The following DIP2C variants were observed in gnomAD, a reference collection of about 807,000 sequenced individuals.
DIP2C encodes disco-interacting protein 2 homolog C.
A neutral mutation model predicts 192.4 loss-of-function variants in DIP2C; 33 were observed. The ratio of observed to expected loss-of-function variants is 0.17; its 90% CI spans 0.13 to 0.23. The LOEUF (loss-of-function observed/expected upper bound fraction) is 0.23, where lower values mean the gene tolerates loss of function less well. Among genes scored for constraint, DIP2C ranks in the 10% least tolerant of loss-of-function variants. The pLI, the probability that DIP2C is intolerant of heterozygous loss-of-function variation, is 1.00. For missense variants in DIP2C, 1,537 were observed against 2,110.1 expected, an observed-to-expected ratio of 0.73 and a Z score of 5.32; for synonymous variants, 979 against 864.1, an observed-to-expected ratio of 1.13 and a Z score of -2.33.
intron 17 of DIP2C, among the ~76,000 whole-genome samples, chr10:374,522 C>T (rs914024816): frequency 4.6e-5 from 7 of 152,226 alleles, no homozygotes; most frequent in Non-Finnish European, 1.0e-4. Context: ...CTGAGTGCTA[C>T]CCAAAGCCAC....
At position 383,986 on chromosome 10, in the gene DIP2C, A is replaced by G. The variant is rs111488491; in HGVS notation, c.1876+41T>C. ...ACGAAAAAAAAAAAAAAAAGACTCC[A>G]CAGCCCGCCTGCCTCACGAGATCAC... On this transcript the variant is annotated intron_variant, in intron 16 of 36. Transcript: ENST00000280886. 3.1e-3 allele frequency: 4,518 copies of G among 1,444,152 alleles called. 30 individuals are homozygous for G. Among genetic ancestry groups the G allele is most frequent in the East Asian group, 0.014 (504 of 36,550 alleles). The allele number at this position is 1,444,152 out of a possible 1,614,324, so 89.5% of individuals were successfully genotyped here.
chr10:290,667 G>A (rs61837285), intron 32 of DIP2C, among the ~76,000 whole-genome samples: 4,989 of 152,298 alleles, frequency 0.033, 112 homozygotes, highest in Middle Eastern at 0.051. Flanking sequence ...CAAGCTGGCC[G>A]GGGCAGCGGT....
intron 18 of DIP2C, among the ~76,000 whole-genome samples, chr10:366,774 T>C (rs983709295): frequency 1.3e-5 from 2 of 152,144 alleles, no homozygotes; most frequent in Middle Eastern, 3.2e-3. Flanking sequence ...CAACTTGACC[T>C]CTGCAAATCA....
In DIP2C at chr10:369,558, A is replaced by T. The variant is rs375658948; in HGVS notation, c.2067T>A (p.Arg689=). The change falls in exon 18 of 37, where the codon CGT becomes CGA. Residue 689 remains arginine, a synonymous_variant. Coordinates refer to ENST00000280886, the MANE Select transcript of DIP2C (RefSeq NM_014974.3). The part of the protein sequence containing the change: ...SMHGLTYGVI[R]VDSEEKLSVL... ...CGGACAGCTTCTCTTCCGAGTCCAC[A>T]CGAATGACCCCATAGGTCAGTCCAT... 4 of 1,599,448 alleles carry T rather than the reference A, an allele frequency of 2.5e-6. No individual in the cohort carries two copies. Among genetic ancestry groups the T allele is most frequent in the Admixed American group, 1.7e-5 (1 of 59,170 alleles).
intron 30 of DIP2C, among the ~76,000 whole-genome samples, chr10:328,207 TA>T (rs1165516870): frequency 6.6e-6 from 1 of 152,198 alleles, no homozygotes; most frequent in African/African-American, 2.4e-5. Flanking sequence ...CACACAGAGT[TA>T]AACAGGAAAA....
At chr10:551,753 C>G (rs1033723621) in intron 1 of DIP2C, among the ~76,000 whole-genome samples, 1 of 152,214 alleles carries the variant, frequency 6.6e-6, no homozygotes, top group Non-Finnish European at 1.5e-5. Context: ...TCAGCCAGCT[C>G]TCTCAATGGA....
In DIP2C at chr10:416,577, C is replaced by T. The variant is rs562388759; in HGVS notation, c.740-689G>A. Among the ~76,000 whole-genome samples the T allele has an allele frequency of 3.3e-5, 5 of 152,230 alleles. No homozygotes were observed. In the South Asian group the frequency reaches 1.0e-3, roughly 32 times the overall value. On this transcript the variant is annotated intron_variant, in intron 6 of 36. Transcript: ENST00000280886. ...AATTTTTGTGTAACAGAATACTAGC[C>T]CCTACCTATCCAAGTGGACCGAGAA...
Position 634,457 on chromosome 10 carries a change from C to T in DIP2C, c.85+55037G>A, listed in dbSNP as rs1213926192. Among the ~76,000 whole-genome samples, 5 of 152,238 alleles carry T rather than the reference C, an allele frequency of 3.3e-5. No individual in the cohort carries two copies. The East Asian group carries it at 9.6e-4, about 29-fold the overall frequency. On this transcript the variant is annotated intron_variant, in intron 1 of 36. Transcript: ENST00000280886. ...TCAGGTTGCTATGCTTCCCTGCCCT[C>T]TCTTCCAGGGATGCCAAGTAAGTTT... is the stretch of plus-strand genomic sequence containing the variant.
intron 1 of DIP2C, among the ~76,000 whole-genome samples, chr10:498,243 G>A (rs1844988355): frequency 6.6e-6 from 1 of 152,228 alleles, no homozygotes; most frequent in Non-Finnish European, 1.5e-5. Context: ...CGGCTGCAGT[G>A]ATGCTGCTGC....
At chr10:491,934 C>T (rs984798999) in intron 1 of DIP2C, among the ~76,000 whole-genome samples, 1 of 152,078 alleles carries the variant, frequency 6.6e-6, no homozygotes, top group African/African-American at 2.4e-5. Flanking sequence ...TAGGAAGAAG[C>T]TCAGAATCCT....
chr10:609,855 C>G (rs551308308), intron 1 of DIP2C, among the ~76,000 whole-genome samples: 1 of 152,120 alleles, frequency 6.6e-6, no homozygotes, highest in Non-Finnish European at 1.5e-5. Context: ...CAGCCGGGTA[C>G]CAATTAGAGA....
intron 6 of DIP2C, among the ~76,000 whole-genome samples, chr10:417,998 GCA>G (rs1564686488): frequency 1.1e-5 from 1 of 87,794 alleles, no homozygotes; most frequent in Non-Finnish European, 2.4e-5. Context: ...CTGTCCACCT[GCA>G]CCTGTCAGGG....
intron 35 of DIP2C, among the ~76,000 whole-genome samples, chr10:282,529 C>T (rs570278108): frequency 1.1e-4 from 16 of 152,242 alleles, no homozygotes; most frequent in Non-Finnish European, 2.2e-4. Context: ...TCACCAGGAA[C>T]CTCAACTGCC....
At chr10:577,570 C>G (rs950805772) in intron 1 of DIP2C, among the ~76,000 whole-genome samples, 1 of 152,224 alleles carries the variant, frequency 6.6e-6, no homozygotes, top group African/African-American at 2.4e-5. Flanking sequence ...ACTCTGAATG[C>G]TCAGAGGAAC....
chr10:597,929 G>T lies in DIP2C; in HGVS notation c.85+91565C>A, dbSNP rs559171653. Among the ~76,000 whole-genome samples the T allele has an allele frequency of 2.6e-5, 4 of 152,280 alleles. No homozygotes were observed. The East Asian group carries it at 7.7e-4, about 29-fold the overall frequency. On this transcript the variant is annotated intron_variant, in intron 1 of 36. Transcript: ENST00000280886. ...CCTGGCCATGCCCCCAGGGGCCAAG[G>T]AAAGCACCCATCTGTCCACTCTTCC...
At chr10:294,698 GA>G (rs1381127591) in intron 32 of DIP2C, among the ~76,000 whole-genome samples, 1 of 151,802 alleles carries the variant, frequency 6.6e-6, no homozygotes, top group Non-Finnish European at 1.5e-5. Flanking sequence ...AAGTTTCCAT[GA>G]CATTCACTTG....
intron 1 of DIP2C, among the ~76,000 whole-genome samples, chr10:688,668 GAA>G (rs1453970417): frequency 1.3e-5 from 2 of 152,028 alleles, no homozygotes; most frequent in Admixed American, 1.3e-4. Context: ...TGGTTTTGGG[GAA>G]AAGACCTGGC....
intron 1 of DIP2C, among the ~76,000 whole-genome samples, chr10:491,550 C>T (rs1180566920): frequency 6.6e-6 from 1 of 152,190 alleles, no homozygotes; most frequent in Non-Finnish European, 1.5e-5. Context: ...GGGACAGGGG[C>T]AGGAGGACCT....
At chr10:477,154 A>T (rs1843092766) in intron 2 of DIP2C, among the ~76,000 whole-genome samples, 1 of 148,778 alleles carries the variant, frequency 6.7e-6, no homozygotes, top group Non-Finnish European at 1.5e-5. Context: ...AGGAAGAAGG[A>T]AAAGGTCAAA....
Sources: allele counts gnomAD v4.1 joint callset (sites outside exome capture counted in the v4.1 genomes callset), GRCh38; gene constraint gnomAD v4.1.1; transcripts MANE v1.5; gene names NCBI Gene and HGNC (gene_info 2026-07-23, HGNC 2026-07-21).